AKAP7: variants seen among roughly 807,000 people sequenced by gnomAD.
AKAP7 encodes the protein A-kinase anchoring protein 7.
In AKAP7, 39 loss-of-function variants were observed where a neutral mutation model predicts 39.5. The observed-to-expected ratio is 0.99, with a 90% CI of 0.76 to 1.29. AKAP7 has a LOEUF of 1.29. AKAP7 is among the 50% of genes most tolerant of loss of function. The pLI is 0.00. For missense variants in AKAP7, 414 were observed against 407.7 expected, an observed-to-expected ratio of 1.02 and a Z score of -0.13; for synonymous variants, 140 against 139.1, an observed-to-expected ratio of 1.01 and a Z score of -0.05.
rs1439609391 is a variant in AKAP7 at position 131,252,998 on chromosome 6, T to G, written c.851-28532T>G. ...TATGGAGAATTTGATGAGTTTTTGG[T>G]GAAAGTTTAAATTTGTGGGTGTTAT... On this transcript the variant is annotated intron_variant, in intron 7 of 7. Coordinates refer to ENST00000431975, the MANE Select transcript of AKAP7 (RefSeq NM_016377.4). The G allele has an allele frequency of 2.5e-6, 4 of 1,607,904 alleles. No individual in the cohort carries two copies. In the South Asian group the frequency reaches 3.3e-5, roughly 13 times the overall value.
intron 4 of AKAP7, among the ~76,000 whole-genome samples, chr6:131,168,742 C>A (rs899742001): frequency 3.9e-5 from 6 of 152,124 alleles, no homozygotes; most frequent in African/African-American, 1.4e-4. Context: ...AAATCTAGAA[C>A]TTGACACATA....
intron 5 of AKAP7, chr6:131,184,684 T>G (rs929282336): frequency 1.3e-6 from 1 of 778,842 alleles, no homozygotes; most frequent in African/African-American, 1.7e-5. Context: ...GAAGTTACAG[T>G]AGTTGTTGGG....
intron 4 of AKAP7, among the ~76,000 whole-genome samples, chr6:131,166,662 T>C (rs1803529153): frequency 6.6e-6 from 1 of 152,152 alleles, no homozygotes; most frequent in South Asian, 2.1e-4. Flanking sequence ...GGTCCACCCC[T>C]ATTCTGGAGG....
chr6:131,244,502 C>G (rs924376730), intron 7 of AKAP7, among the ~76,000 whole-genome samples: 1 of 152,212 alleles, frequency 6.6e-6, no homozygotes, highest in Admixed American at 6.5e-5. Flanking sequence ...ATCCAGTGCT[C>G]TCAGTGCTCT....
At chr6:131,279,127 C>T (rs902900493) in intron 7 of AKAP7, among the ~76,000 whole-genome samples, 8 of 152,094 alleles carry the variant, frequency 5.3e-5, no homozygotes, top group Middle Eastern at 3.2e-3. Context: ...AATCATGAAG[C>T]ACAATTGACA....
At chr6:131,202,302 C>T (rs1313164406) in intron 6 of AKAP7, among the ~76,000 whole-genome samples, 7 of 142,618 alleles carry the variant, frequency 4.9e-5, no homozygotes, top group Non-Finnish European at 7.6e-5. Flanking sequence ...TATAAAGACA[C>T]GTGCACACAT....
the AKAP7 span, among the ~76,000 whole-genome samples, chr6:131,127,177 C>T: frequency 1.3e-5 from 2 of 152,140 alleles, no homozygotes; most frequent in African/African-American, 4.8e-5. Flanking sequence ...TCCTGAGTAG[C>T]TGGGATTACA....
In AKAP7 at chr6:131,135,513, T is replaced by TGCGGCTGCC. The variant is rs1301311044; in HGVS notation, c.-248_-240dup. 2.7e-5 allele frequency among the ~76,000 whole-genome samples: 4 copies of TGCGGCTGCC among 148,596 alleles called. No homozygotes were observed. Among genetic ancestry groups the TGCGGCTGCC allele is most frequent in the Admixed American group, 1.3e-4 (2 of 15,076 alleles). On this transcript the variant is annotated 5_prime_UTR_variant, in exon 1 of 8. Coordinates refer to ENST00000431975, the MANE Select transcript of AKAP7 (RefSeq NM_016377.4). Reference sequence around the variant, plus strand: ...CCTGGCATGCGGGTGCTGCGGCTGCTGCGGCTGCCGCCGCCGCTGCTGCCG... The same window carrying TGCGGCTGCC: ...CCTGGCATGCGGGTGCTGCGGCTGCTGCGGCTGCCGCGGCTGCCGCCGCCGCTGCTGCCG...
At chr6:131,228,347 A>G (rs954116910) in intron 7 of AKAP7, among the ~76,000 whole-genome samples, 1 of 152,286 alleles carries the variant, frequency 6.6e-6, no homozygotes, top group South Asian at 2.1e-4. Flanking sequence ...CTTAAATCCA[A>G]TATGCTCACT....
At chr6:131,210,711 G>A (rs766665097) in intron 6 of AKAP7, among the ~76,000 whole-genome samples, 1 of 152,100 alleles carries the variant, frequency 6.6e-6, no homozygotes, top group Non-Finnish European at 1.5e-5. Context: ...AGTAATTTCC[G>A]GTTTGGTCTC....
chr6:131,227,539 A>G lies in AKAP7; in HGVS notation c.850+7731A>G, dbSNP rs147587347. On this transcript the variant is annotated intron_variant, in intron 7 of 7. Coordinates refer to ENST00000431975, the MANE Select transcript of AKAP7 (RefSeq NM_016377.4). ...GATGATGTTTAATACTCAACAACAC[A>G]GGACCGAGTCCTAAAGATAAGACCG... Among the ~76,000 whole-genome samples, 248 of 152,360 alleles carry G rather than the reference A, an allele frequency of 1.6e-3. 2 individuals carry two copies. Among genetic ancestry groups the G allele is most frequent in the African/African-American group, 5.7e-3 (239 of 41,586 alleles).
At chr6:131,202,596 G>A (rs1022482698) in intron 6 of AKAP7, among the ~76,000 whole-genome samples, 4 of 143,296 alleles carry the variant, frequency 2.8e-5, no homozygotes, top group Admixed American at 7.1e-5. Flanking sequence ...AACATCACAC[G>A]CTGGGGACTG....
intron 7 of AKAP7, among the ~76,000 whole-genome samples, chr6:131,225,053 G>A (rs1810048075): frequency 6.6e-6 from 1 of 151,924 alleles, no homozygotes; most frequent in South Asian, 2.1e-4. Flanking sequence ...ACTGCACCTG[G>A]CCTCCAGTTG....
At chr6:131,250,444 C>A in intron 7 of AKAP7, 1 of 1,512,036 alleles carries the variant, frequency 6.6e-7, no homozygotes, top group South Asian at 1.3e-5. Flanking sequence ...GCTCTTCAAG[C>A]TGCCTGTGCT....
intron 7 of AKAP7, among the ~76,000 whole-genome samples, chr6:131,241,274 C>T (rs905920065): frequency 6.6e-5 from 10 of 152,174 alleles, no homozygotes; most frequent in African/African-American, 2.4e-4. Context: ...TTGGCATTTG[C>T]AGTGGATGGA....
At chr6:131,247,563 A>G (rs1018318037) in intron 7 of AKAP7, among the ~76,000 whole-genome samples, 14 of 151,114 alleles carry the variant, frequency 9.3e-5, no homozygotes, top group African/African-American at 3.4e-4. Context: ...CTCGTGATCC[A>G]CCCACCTTGG....
At chr6:131,260,136 G>A (rs901679542) in intron 7 of AKAP7, among the ~76,000 whole-genome samples, 7 of 151,886 alleles carry the variant, frequency 4.6e-5, no homozygotes, top group African/African-American at 1.7e-4. Flanking sequence ...ACATGATCTT[G>A]TTCCTTTTTA....
intron 5 of AKAP7, among the ~76,000 whole-genome samples, chr6:131,192,095 G>A (rs1294294290): frequency 6.6e-6 from 1 of 151,932 alleles, no homozygotes; most frequent in Admixed American, 6.6e-5. Flanking sequence ...TAAGCTTGGT[G>A]TAATCTCATT....
At chr6:131,265,113 A>G (rs1341016758) in intron 7 of AKAP7, among the ~76,000 whole-genome samples, 1 of 152,192 alleles carries the variant, frequency 6.6e-6, no homozygotes, top group East Asian at 1.9e-4. Context: ...TAGGCCAATC[A>G]TGATGCTAAG....
Sources: gnomAD v4.1 joint callset for allele counts (sites outside exome capture counted in the v4.1 genomes callset) on GRCh38, gnomAD v4.1.1 for gene constraint, MANE v1.5 for transcripts, NCBI Gene and HGNC (gene_info 2026-07-23, HGNC 2026-07-21) for gene names.